IAH1: variants seen among roughly 807,000 people sequenced by gnomAD.
IAH1 encodes isoamyl acetate-hydrolyzing esterase 1 homolog.
In IAH1, 24 loss-of-function variants were observed where a neutral mutation model predicts 26.7. The observed-to-expected ratio is 0.90, with a 90% confidence interval of 0.65 to 1.26. The LOEUF (loss-of-function observed/expected upper bound fraction) is 1.26. Among genes scored for constraint, IAH1 ranks in the 50% most tolerant of loss-of-function variants. IAH1 has a pLI of 0.00. For synonymous variants in IAH1, 140 were observed against 118.5 expected (o/e 1.18, Z -1.18); for missense variants, 300 against 299.9 (o/e 1.00, Z 0.00).
rs1277362009 is a variant in IAH1 at position 9,474,991 on chromosome 2, C to T, written c.81+344C>T. 3 of 1,100,618 alleles carry T rather than the reference C, an allele frequency of 2.7e-6. No individual in the cohort carries two copies. In the African/African-American group the frequency reaches 5.1e-5, roughly 19 times the overall value. The allele number at this position is 1,100,618 out of a possible 1,614,324, so 68.2% of individuals were successfully genotyped here. A position where few individuals can be genotyped will look rare whatever the true frequency, so the allele number is the denominator to read the frequency against. On this transcript the variant is annotated intron_variant, in intron 1 of 5. Coordinates refer to ENST00000497473, the MANE Select transcript of IAH1 (RefSeq NM_001039613.3). This position sits in a 1 kb window ranked among gnomAD's most constrained non-coding sequence, Gnocchi z 4.3. Reference sequence around the variant, plus strand: ...GGGCAGCGGCCTTTCCCCTCCGGGTCCGGGTTAGCGGCCGCGGGCGACCGC... The same window carrying T: ...GGGCAGCGGCCTTTCCCCTCCGGGTTCGGGTTAGCGGCCGCGGGCGACCGC...
At position 9,474,933 on chromosome 2, in the gene IAH1, C is replaced by A; in HGVS notation, c.81+286C>A. The A allele has an allele frequency of 1.2e-6, 1 of 850,632 alleles. No individual in the cohort carries two copies. Among genetic ancestry groups the A allele is most frequent in the Non-Finnish European group, 1.5e-6 (1 of 676,710 alleles). 52.7% of individuals were successfully genotyped at this position (850,632 alleles called of 1,614,324 possible). A position where few individuals can be genotyped will look rare whatever the true frequency, so the allele number is the denominator to read the frequency against. ...GCCCCGCGCCGCCTCCCACCCGGGT[C>A]GAGATGCGCGGTCTTCCCCTCAGCG... On this transcript the variant is annotated intron_variant, in intron 1 of 5. Transcript: ENST00000497473. The surrounding 1 kb of genome is among the most constrained non-coding windows in gnomAD (Gnocchi z 4.3).
At chr2:9,485,822 G>T (rs1572850932) in intron 5 of IAH1, 1 of 152,364 alleles carries the variant, frequency 6.6e-6, no homozygotes. Context: ...CTTTTGTAAA[G>T]AGCTTGTTCA....
chr2:9,474,158 C>G (rs561740837), upstream of IAH1, among the ~76,000 whole-genome samples: 8 of 152,156 alleles, frequency 5.3e-5, no homozygotes, highest in East Asian at 3.9e-4. This position sits in a 1 kb window ranked among gnomAD's most constrained non-coding sequence, Gnocchi z 4.3. Flanking sequence ...CGCAGGAGGC[C>G]GCGCGCGCAT....
At chr2:9,479,139 A>G (rs1456272247) in intron 3 of IAH1, among the ~76,000 whole-genome samples, 2 of 152,230 alleles carry the variant, frequency 1.3e-5, no homozygotes, top group East Asian at 3.8e-4. Flanking sequence ...GATGACAGGT[A>G]TCGGTGGAGA....
At chr2:9,484,406 C>A (rs1268656912) in intron 4 of IAH1, 26 bp from the exon 5 acceptor site, 7 of 1,566,716 alleles carry the variant, frequency 4.5e-6, no homozygotes, top group Non-Finnish European at 6.2e-6. Flanking sequence ...TTACCAACTG[C>A]CACCTCTATT....
rs532410954 is a variant in IAH1, at chr2:9,477,781, CTATT to C, written c.135-438_135-435del. On this transcript the variant is annotated intron_variant, in intron 2 of 5. Coordinates refer to ENST00000497473, the MANE Select transcript of IAH1 (RefSeq NM_001039613.3). Reference sequence around the variant, plus strand: ...AACACAACGAATGTATTTACTAAAACTATTTAATCAAAACCAGAAATCTCAAATA... The same window carrying C: ...AACACAACGAATGTATTTACTAAAACTAATCAAAACCAGAAATCTCAAATA... Among the ~76,000 whole-genome samples, 495 of 151,714 alleles carry C rather than the reference CTATT, an allele frequency of 3.3e-3. 15 individuals are homozygous for C. The highest frequency in any genetic ancestry group is 0.01 in the Middle Eastern group (3 of 294).
At chr2:9,510,927 AAGT>A in the IAH1 span, among the ~76,000 whole-genome samples, 2 of 152,238 alleles carry the variant, frequency 1.3e-5, no homozygotes, top group Non-Finnish European at 2.9e-5. Context: ...ACATTATTGT[AAGT>A]AGTAACAAAT....
downstream of IAH1, among the ~76,000 whole-genome samples, chr2:9,501,370 G>C (rs886835643): frequency 1.3e-5 from 2 of 152,146 alleles, no homozygotes; most frequent in African/African-American, 4.8e-5. Context: ...AGGCAACCTA[G>C]CAGTGGTGCT....
chr2:9,478,350 C>T lies in IAH1; in HGVS notation c.263C>T (p.Ala88Val), dbSNP rs1344930505. 6.2e-7 allele frequency: 1 copy of T among 1,608,112 alleles called. No individual in the cohort carries two copies. Among genetic ancestry groups the T allele is most frequent in the Non-Finnish European group, 8.5e-7 (1 of 1,176,970 alleles). Residue 88 changes from alanine to valine, a missense_variant, in exon 3 of 6, where the codon GCC becomes GTC. Physicochemically the swap from Ala to Val is moderately conservative, Grantham distance 64 (BLOSUM62 0). Coordinates refer to ENST00000497473, the MANE Select transcript of IAH1 (RefSeq NM_001039613.3). The part of the protein sequence containing the change: ...IPVAVTIFFG[A>V]NDSALKDENP... ...GTAGCAGTTACAATTTTCTTTGGGGCCAATGACAGTGCACTAAAAGGTAAA... is the reference window on the plus strand; with the variant it reads ...GTAGCAGTTACAATTTTCTTTGGGGTCAATGACAGTGCACTAAAAGGTAAA...
At chr2:9,505,045 G>T in the IAH1 span, 1 of 1,123,122 alleles carries the variant, frequency 8.9e-7, no homozygotes, top group Non-Finnish European at 1.3e-6. Context: ...AGAGGTAGAT[G>T]TAAACAAACA....
intron 4 of IAH1, among the ~76,000 whole-genome samples, chr2:9,483,850 T>C (rs1187701360): frequency 1.3e-5 from 2 of 152,202 alleles, no homozygotes; most frequent in Non-Finnish European, 2.9e-5. Context: ...TGCAACTAGG[T>C]AGGCACTGTC....
chr2:9,504,471 A>T, the IAH1 span, among the ~76,000 whole-genome samples: 969 of 148,220 alleles, frequency 6.5e-3, 9 homozygotes, highest in African/African-American at 0.021. Context: ...TAAATTAAAT[A>T]AAAAAGATTA....
At chr2:9,486,211 C>T (rs904657346) in intron 5 of IAH1, 5 of 152,194 alleles carry the variant, frequency 3.3e-5, no homozygotes, top group African/African-American at 9.7e-5. Context: ...CCTTTGGAGG[C>T]CCTGAGAGCC....
chr2:9,482,587 A>G (rs757013973), intron 4 of IAH1, among the ~76,000 whole-genome samples: 11 of 152,210 alleles, frequency 7.2e-5, no homozygotes, highest in Non-Finnish European at 1.3e-4. Flanking sequence ...TAACCGGCCC[A>G]AGATCACACA....
chr2:9,506,187 C>A, the IAH1 span, among the ~76,000 whole-genome samples: 4 of 152,182 alleles, frequency 2.6e-5, no homozygotes, highest in Non-Finnish European at 5.9e-5. Context: ...AATGGCTTCA[C>A]TTTCACCCCA....
At chr2:9,487,071 A>G (rs1335871629) in intron 5 of IAH1, among the ~76,000 whole-genome samples, 1 of 152,124 alleles carries the variant, frequency 6.6e-6, no homozygotes, top group Non-Finnish European at 1.5e-5. Context: ...CATCTCTACA[A>G]AAAGCACAAA....
intron 2 of IAH1, 97 bp downstream of exon 2, chr2:9,476,136 C>A: frequency 9.0e-7 from 1 of 1,109,452 alleles, no homozygotes; most frequent in Non-Finnish European, 1.3e-6. Flanking sequence ...AACATTCCTC[C>A]TTTATTAATT....
chr2:9,491,980 C>T (rs1662187987), downstream of IAH1, among the ~76,000 whole-genome samples: 1 of 152,228 alleles, frequency 6.6e-6, no homozygotes, highest in Admixed American at 6.5e-5. Flanking sequence ...AAGCACGTCA[C>T]CTTCAGCTTT....
chr2:9,499,193 C>A (rs1662839591), downstream of IAH1, among the ~76,000 whole-genome samples: 1 of 150,124 alleles, frequency 6.7e-6, no homozygotes, highest in Non-Finnish European at 1.5e-5. Flanking sequence ...GGAACTTATC[C>A]TCTGCTATCT....
Sources: allele counts gnomAD v4.1 joint callset (sites outside exome capture counted in the v4.1 genomes callset), GRCh38; gene constraint gnomAD v4.1.1; non-coding constraint Gnocchi (gnomAD v3.1); transcripts MANE v1.5; gene names NCBI Gene and HGNC (gene_info 2026-07-23, HGNC 2026-07-21).